ARHGAP24: variants seen among roughly 807,000 people sequenced by gnomAD.
The protein encoded by ARHGAP24 is rho GTPase-activating protein 24.
ARHGAP24 carries 50 observed loss-of-function variants against 76.4 expected under a neutral mutation model. The observed-to-expected ratio is 0.65, with a 90% CI of 0.52 to 0.83. The LOEUF is 0.83. Among genes scored for constraint, ARHGAP24 ranks in the 40% least tolerant of loss-of-function variants. The pLI, the probability that ARHGAP24 is intolerant of heterozygous loss-of-function variation, is 0.00. For missense variants in ARHGAP24, 930 were observed against 914.2 expected (o/e 1.02, Z -0.22); for synonymous variants, 345 against 323.3 (o/e 1.07, Z -0.72).
chr4:85,480,430 A>G (rs1722770057), intron 1 of ARHGAP24, among the ~76,000 whole-genome samples: 1 of 152,212 alleles, frequency 6.6e-6, no homozygotes, highest in African/African-American at 2.4e-5. Flanking sequence ...ACGCCAGTCA[A>G]GCTTTTTGTA....
At chr4:85,737,093 C>G (rs569030181) in intron 3 of ARHGAP24, among the ~76,000 whole-genome samples, 3 of 152,194 alleles carry the variant, frequency 2.0e-5, no homozygotes, top group Admixed American at 1.3e-4. Flanking sequence ...CTTTCACCAG[C>G]ACACAGCTGG....
At position 85,826,700 on chromosome 4, in the gene ARHGAP24, C is replaced by T. The variant is rs553382752; in HGVS notation, c.269-96948C>T. 3.6e-4 allele frequency among the ~76,000 whole-genome samples: 55 copies of T among 152,258 alleles called. 1 individual carries two copies. Among genetic ancestry groups the T allele is most frequent in the Non-Finnish European group, 3.2e-4 (22 of 68,014 alleles). On this transcript the variant is annotated intron_variant, in intron 3 of 9. Coordinates refer to ENST00000395184, the MANE Select transcript of ARHGAP24 (RefSeq NM_001025616.3). ...GTCCTACACTCTGTCCCATTTCACC[C>T]TGATGTCACCAGCCAAGGAAGTAGA...
chr4:85,910,984 CGGAGTG>C, intron 3 of ARHGAP24, among the ~76,000 whole-genome samples: 1 of 152,116 alleles, frequency 6.6e-6, no homozygotes, highest in Non-Finnish European at 1.5e-5. Context: ...GCTCTGAGAT[CGGAGTG>C]GACACTGGCA....
intron 3 of ARHGAP24, among the ~76,000 whole-genome samples, chr4:85,830,900 A>T (rs1384635060): frequency 6.6e-6 from 1 of 151,996 alleles, no homozygotes; most frequent in East Asian, 1.9e-4. Flanking sequence ...GGGAGTATAA[A>T]CATTTTCTGC....
intron 3 of ARHGAP24, among the ~76,000 whole-genome samples, chr4:85,786,828 A>C (rs1309666972): frequency 2.0e-5 from 3 of 152,218 alleles, no homozygotes; most frequent in African/African-American, 7.2e-5. Context: ...GGTTTGCCAC[A>C]TGCAGGTGGT....
At position 85,883,766 on chromosome 4, in the gene ARHGAP24, C is replaced by T. The variant is rs116230373; in HGVS notation, c.269-39882C>T. ...AACACACAGACAGATGTTAGCAGAA[C>T]GTAACACAAATTATGAAGCCATACA... On this transcript the variant is annotated intron_variant, in intron 3 of 9. Transcript: ENST00000395184. Among the ~76,000 whole-genome samples, 484 of 151,636 alleles carry T rather than the reference C, an allele frequency of 3.2e-3. 3 individuals carry two copies. The highest frequency in any genetic ancestry group is 0.011 in the African/African-American group (456 of 41,506).
At chr4:85,853,311 C>T (rs1731345473) in intron 3 of ARHGAP24, among the ~76,000 whole-genome samples, 1 of 152,188 alleles carries the variant, frequency 6.6e-6, no homozygotes, top group South Asian at 2.1e-4. Flanking sequence ...TCTGGTGTGC[C>T]ATTTGCTAAG....
intron 3 of ARHGAP24, among the ~76,000 whole-genome samples, chr4:85,818,694 T>C (rs1320955324): frequency 6.6e-6 from 1 of 152,210 alleles, no homozygotes; most frequent in African/African-American, 2.4e-5. Context: ...TAGTGAGAAG[T>C]TGAAAACTTG....
At chr4:85,736,443 G>A (rs1307034219) in intron 3 of ARHGAP24, among the ~76,000 whole-genome samples, 1 of 152,148 alleles carries the variant, frequency 6.6e-6, no homozygotes, top group African/African-American at 2.4e-5. Flanking sequence ...GGTAGCTTCT[G>A]GGGTTACTAA....
intron 7 of ARHGAP24, 38 bp from the exon 8 acceptor site, chr4:85,977,532 A>T: frequency 6.2e-7 from 1 of 1,607,446 alleles, no homozygotes; most frequent in Non-Finnish European, 8.5e-7. Context: ...GGCAAATTTG[A>T]TCCCATTGTA....
At chr4:85,940,308 C>T (rs376888306) in intron 4 of ARHGAP24, among the ~76,000 whole-genome samples, 8 of 152,088 alleles carry the variant, frequency 5.3e-5, no homozygotes, top group African/African-American at 1.9e-4. Context: ...GTCTGTTAAT[C>T]TTTTAGCCTT....
In ARHGAP24 at chr4:85,516,334, C is replaced by T. The variant is rs185425663; in HGVS notation, c.-21+40775C>T. ...ATCTTACTTGTTTTTATCAATATTTCTTAAATATATGTCTAACTCATATTT... is the reference window on the plus strand; with the variant it reads ...ATCTTACTTGTTTTTATCAATATTTTTTAAATATATGTCTAACTCATATTT... On this transcript the variant is annotated intron_variant, in intron 1 of 9. Coordinates refer to ENST00000395184, the MANE Select transcript of ARHGAP24 (RefSeq NM_001025616.3). 2.0e-5 allele frequency among the ~76,000 whole-genome samples: 3 copies of T among 152,286 alleles called. No individual in the cohort carries two copies. The East Asian group carries it at 5.8e-4, about 29-fold the overall frequency.
At chr4:85,836,312 G>C (rs373607744) in intron 3 of ARHGAP24, among the ~76,000 whole-genome samples, 1 of 152,112 alleles carries the variant, frequency 6.6e-6, no homozygotes, top group African/African-American at 2.4e-5. Flanking sequence ...ACAAATGGGT[G>C]GTTTAAACAA....
chr4:85,599,155 A>AGG (rs1300689481), intron 2 of ARHGAP24, among the ~76,000 whole-genome samples: 1 of 152,072 alleles, frequency 6.6e-6, no homozygotes, highest in Non-Finnish European at 1.5e-5. Flanking sequence ...TCCAGCAGTG[A>AGG]GGGAGAGGAG....
intron 2 of ARHGAP24, among the ~76,000 whole-genome samples, chr4:85,695,686 G>T (rs1047318071): frequency 6.6e-6 from 1 of 152,134 alleles, no homozygotes; most frequent in African/African-American, 2.4e-5. Context: ...ATAATAGCAG[G>T]AAGTCAAATA....
intron 3 of ARHGAP24, among the ~76,000 whole-genome samples, chr4:85,742,023 G>A (rs1402971221): frequency 1.3e-5 from 2 of 152,204 alleles, no homozygotes; most frequent in African/African-American, 4.8e-5. Flanking sequence ...GCCAGAGTGG[G>A]GGAGGGAGTG....
intron 5 of ARHGAP24, among the ~76,000 whole-genome samples, chr4:85,969,841 T>A (rs1203861356): frequency 6.6e-6 from 1 of 152,206 alleles, no homozygotes; most frequent in Non-Finnish European, 1.5e-5. Context: ...TAGGAATTAA[T>A]GAGGATTGCA....
intron 1 of ARHGAP24, among the ~76,000 whole-genome samples, chr4:85,507,406 C>T (rs1452431868): frequency 1.3e-5 from 2 of 152,096 alleles, no homozygotes; most frequent in Admixed American, 6.6e-5. Flanking sequence ...GGTATGTGGA[C>T]TCTTTGAGGA....
intron 1 of ARHGAP24, among the ~76,000 whole-genome samples, chr4:85,535,681 AG>A (rs1725441318): frequency 6.6e-6 from 1 of 152,160 alleles, no homozygotes; most frequent in Non-Finnish European, 1.5e-5. Flanking sequence ...ACTCTAACAA[AG>A]AGACTACGGT....
Sources: allele counts gnomAD v4.1 joint callset (sites outside exome capture counted in the v4.1 genomes callset), GRCh38; gene constraint gnomAD v4.1.1; transcripts MANE v1.5; gene names NCBI Gene and HGNC (gene_info 2026-07-23, HGNC 2026-07-21).